The following GSE1 variants were observed in gnomAD, a reference collection of about 807,000 sequenced individuals.
The protein encoded by GSE1 is genetic suppressor element 1.
In GSE1, 32 loss-of-function variants were observed where a neutral mutation model predicts 112.6. That is an observed-to-expected ratio of 0.28 (90% CI 0.21 to 0.38). The LOEUF (loss-of-function observed/expected upper bound fraction) is 0.38, where lower values mean the gene tolerates loss of function less well. GSE1 is among the 10% of genes least tolerant of loss of function. GSE1 has a pLI of 1.00. For missense variants in GSE1, 2,348 were observed against 1,699.2 expected, an observed-to-expected ratio of 1.38 and a Z score of -6.71; for synonymous variants, 1,115 against 735.6, an observed-to-expected ratio of 1.52 and a Z score of -8.35.
rs767346136 is a variant in GSE1, at chr16:85,665,054, A to C, written c.2684A>C (p.Gln895Pro). Reference sequence around the variant, plus strand: ...GTTGAAATGCTCCGTGCCATGAAGCAGAAGGCACTGTCAGCAGCAGTGGCC... The same window carrying C: ...GTTGAAATGCTCCGTGCCATGAAGCCGAAGGCACTGTCAGCAGCAGTGGCC... Reference protein sequence around the residue: ...RLVEMLRAMKQKALSAAVADS... With the variant: ...RLVEMLRAMKPKALSAAVADS... Residue 895 changes from glutamine to proline, a missense_variant, in exon 12 of 16, where the codon CAG becomes CCG. Transcript: ENST00000253458. The C allele has an allele frequency of 1.2e-6, 2 of 1,612,680 alleles. No homozygotes were observed. Among genetic ancestry groups the C allele is most frequent in the South Asian group, 1.1e-5 (1 of 91,062 alleles).
In GSE1 at chr16:85,664,567, C is replaced by T. The variant is rs1220350326; in HGVS notation, c.2645-448C>T. On this transcript the variant is annotated intron_variant, in intron 11 of 15. Transcript: ENST00000253458. Reference sequence around the variant, plus strand: ...GCCGGGTGACATCAGGGATCTGCTGCGTGGAACATCGTGGGGTCATCTTTC... The same window carrying T: ...GCCGGGTGACATCAGGGATCTGCTGTGTGGAACATCGTGGGGTCATCTTTC... 6 of 156,002 alleles carry T rather than the reference C, an allele frequency of 3.8e-5. No homozygotes were observed. The South Asian group carries it at 5.8e-4, about 15-fold the overall frequency. 9.7% of individuals were successfully genotyped at this position (156,002 alleles called of 1,614,324 possible).
At chr16:85,604,577 TTTTG>T (rs970425728) in intron 1 of GSE1, among the ~76,000 whole-genome samples, 4 of 149,560 alleles carry the variant, frequency 2.7e-5, no homozygotes, top group African/African-American at 9.8e-5. Flanking sequence ...AGAGACCACA[TTTTG>T]TTTATCTCTT....
chr16:85,169,664 T>C, exon 1 of GSE1: 1 of 982,872 alleles, frequency 1.0e-6, no homozygotes, highest in Non-Finnish European at 1.2e-6. Flanking sequence ...AAGCTGCAGG[T>C]GAAGCAGCCG....
chr16:85,273,909 C>A (rs1909099930), intron 1 of GSE1, among the ~76,000 whole-genome samples: 1 of 148,976 alleles, frequency 6.7e-6, no homozygotes, highest in African/African-American at 2.5e-5. Flanking sequence ...GTTGGCCAGG[C>A]TGGTCTCGAA....
At chr16:85,668,942 G>A (rs1036948858) in intron 14 of GSE1, among the ~76,000 whole-genome samples, 2 of 152,242 alleles carry the variant, frequency 1.3e-5, no homozygotes, top group African/African-American at 2.4e-5. Context: ...AGGCTTAGTC[G>A]AAGGCTTGCC....
intron 2 of GSE1, among the ~76,000 whole-genome samples, chr16:85,400,267 GTGTGTGTGTGTGTGTAAT>G (rs1051459626): frequency 2.6e-5 from 4 of 151,508 alleles, no homozygotes; most frequent in African/African-American, 4.8e-5. Context: ...GTGTGTGTGT[GTGTGTGTGTGTGTGTAAT>G]TGTGTGTGTG....
chr16:85,254,625 C>T (rs1906867446), intron 1 of GSE1, among the ~76,000 whole-genome samples: 1 of 152,224 alleles, frequency 6.6e-6, no homozygotes, highest in South Asian at 2.1e-4. Context: ...GTCCACACAT[C>T]CTCGCGCCTC....
At chr16:85,175,307 A>G (rs773172582) in intron 1 of GSE1, among the ~76,000 whole-genome samples, 1 of 152,124 alleles carries the variant, frequency 6.6e-6, no homozygotes, top group African/African-American at 2.4e-5. Flanking sequence ...GGAGGGCTGA[A>G]GCCTGCTCTT....
rs2044597838 is a variant in GSE1 at position 85,543,569 on chromosome 16, T to A, written c.2465-90345T>A. On this transcript the variant is annotated intron_variant, in intron 2 of 2. Transcript: ENST00000637419. ...TCCCTTCTGATCCTGTTGTCCTGAG[T>A]CACAAGCTTATCCCTGTCTTGGAAC... 2.0e-5 allele frequency among the ~76,000 whole-genome samples: 3 copies of A among 152,224 alleles called. No individual in the cohort carries two copies. In the South Asian group the frequency reaches 6.2e-4, roughly 32 times the overall value.
chr16:85,260,319 CTTTTTTTTTTTTT>C (rs111292010), intron 1 of GSE1, among the ~76,000 whole-genome samples: 3 of 94,868 alleles, frequency 3.2e-5, no homozygotes, highest in Admixed American at 1.2e-4. Context: ...TTTTTCTTTT[CTTTTTTTTTTTTT>C]TTTTTTTTTG....
upstream of GSE1, among the ~76,000 whole-genome samples, chr16:85,612,082 A>T (rs1317160471): frequency 6.6e-6 from 1 of 151,648 alleles, no homozygotes; most frequent in East Asian, 2.0e-4. Context: ...GGGGTGTTGG[A>T]AGAGGATGAG....
At chr16:85,188,918 A>T (rs1311823681) in intron 1 of GSE1, among the ~76,000 whole-genome samples, 1 of 152,100 alleles carries the variant, frequency 6.6e-6, no homozygotes, top group East Asian at 1.9e-4. Context: ...TTTAATGCAA[A>T]ATCTGGTGCA....
intron 1 of GSE1, among the ~76,000 whole-genome samples, chr16:85,236,493 C>T (rs1904680009): frequency 6.6e-6 from 1 of 152,146 alleles, no homozygotes; most frequent in South Asian, 2.1e-4. Flanking sequence ...GTGTGACTCC[C>T]GTTGTGGGGA....
At chr16:85,231,489 T>A (rs1014766271) in intron 1 of GSE1, among the ~76,000 whole-genome samples, 1 of 152,150 alleles carries the variant, frequency 6.6e-6, no homozygotes, top group Non-Finnish European at 1.5e-5. Flanking sequence ...AATAGATGGA[T>A]GGACGGAGGG....
At chr16:85,501,267 G>A (rs7185515) in intron 2 of GSE1, among the ~76,000 whole-genome samples, 5,539 of 152,098 alleles carry the variant, frequency 0.036, 294 homozygotes, top group African/African-American at 0.12. Context: ...CTCCCAAAGT[G>A]CTGGGATTAC....
intron 1 of GSE1, among the ~76,000 whole-genome samples, chr16:85,284,455 C>A (rs1039469020): frequency 6.6e-6 from 1 of 152,206 alleles, no homozygotes; most frequent in African/African-American, 2.4e-5. Flanking sequence ...CAGCCTCTGT[C>A]CCAGAAACCT....
At chr16:85,658,460 A>G (rs2052158985) in intron 8 of GSE1, among the ~76,000 whole-genome samples, 1 of 152,196 alleles carries the variant, frequency 6.6e-6, no homozygotes, top group Admixed American at 6.5e-5. Context: ...CAAGGCTGTG[A>G]TGCTGTCCTG....
chr16:85,473,053 A>G (rs4783215), intron 2 of GSE1, among the ~76,000 whole-genome samples: 125,318 of 152,276 alleles, frequency 0.82, 51,848 homozygotes, highest in East Asian at 0.98. Context: ...CGGCACCAAG[A>G]TGCCAGGAGC....
chr16:85,390,181 C>A (rs907303582), intron 2 of GSE1, among the ~76,000 whole-genome samples: 23 of 152,172 alleles, frequency 1.5e-4, no homozygotes, highest in African/African-American at 5.5e-4. Context: ...ACTTCTGTGT[C>A]CCTGAAATCT....
Sources: allele counts gnomAD v4.1 joint callset (sites outside exome capture counted in the v4.1 genomes callset), GRCh38; gene constraint gnomAD v4.1.1; transcripts MANE v1.5; gene names NCBI Gene and HGNC (gene_info 2026-07-23, HGNC 2026-07-21).